Variants in SGCD observed in about 807,000 individuals in gnomAD.
SGCD encodes the protein delta-sarcoglycan.
In SGCD, 18 loss-of-function variants were observed where a neutral mutation model predicts 36.6. The ratio of observed to expected loss-of-function variants is 0.49; its 90% confidence interval spans 0.34 to 0.73. SGCD has a LOEUF of 0.73. Among genes scored for constraint, SGCD ranks in the 30% least tolerant of loss-of-function variants. The pLI, the probability that SGCD is intolerant of heterozygous loss-of-function variation, is 0.01. For missense variants in SGCD, 387 were observed against 346.7 expected, an observed-to-expected ratio of 1.12 and a Z score of -0.92; for synonymous variants, 133 against 130.6, an observed-to-expected ratio of 1.02 and a Z score of -0.12.
chr5:156,623,652 T>A (rs77300409), intron 6 of SGCD, among the ~76,000 whole-genome samples: 2,673 of 152,306 alleles, frequency 0.018, 32 homozygotes, highest in Non-Finnish European at 0.029. Flanking sequence ...TTAAAGTACT[T>A]GTATTATATC....
intron 1 of SGCD, among the ~76,000 whole-genome samples, chr5:155,925,106 C>T (rs979194903): frequency 2.7e-5 from 4 of 150,208 alleles, no homozygotes; most frequent in Non-Finnish European, 5.9e-5. Flanking sequence ...TATCATTTCC[C>T]TTATAAAATG....
chr5:155,844,421 TTGTGTGTGTG>T, the SGCD span, among the ~76,000 whole-genome samples: 13 of 144,574 alleles, frequency 9.0e-5, no homozygotes, highest in South Asian at 6.8e-4. Flanking sequence ...TGCTAAGGCT[TTGTGTGTGTG>T]TGTGTGTGTG....
intron 3 of SGCD, among the ~76,000 whole-genome samples, chr5:156,269,591 C>T (rs1766116194): frequency 6.7e-6 from 1 of 149,250 alleles, no homozygotes; most frequent in Admixed American, 6.7e-5. Context: ...CTACCTCCCA[C>T]TGGGTCCCTC....
chr5:155,781,962 A>G, the SGCD span, among the ~76,000 whole-genome samples: 7,654 of 151,698 alleles, frequency 0.05, 612 homozygotes, highest in African/African-American at 0.17. Context: ...GGCAGAGTGG[A>G]TGGAGTAACT....
At chr5:156,737,335 G>T (rs946019367) in intron 7 of SGCD, among the ~76,000 whole-genome samples, 2 of 152,132 alleles carry the variant, frequency 1.3e-5, no homozygotes, top group Non-Finnish European at 2.9e-5. Flanking sequence ...TGCTAGCTGA[G>T]TTACCTTAGG....
intron 3 of SGCD, among the ~76,000 whole-genome samples, chr5:156,508,329 T>C (rs1481407137): frequency 6.6e-6 from 1 of 152,122 alleles, no homozygotes. Context: ...CTAGCAAAAT[T>C]GCCCCCCACC....
chr5:156,738,774 C>T (rs757257474), intron 7 of SGCD: 25 of 152,168 alleles, frequency 1.6e-4, no homozygotes, highest in Admixed American at 3.3e-4. Flanking sequence ...ACTGCCATAT[C>T]GTAAGGCTTC....
chr5:156,215,829 A>G (rs190080832), intron 3 of SGCD, among the ~76,000 whole-genome samples: 1 of 152,304 alleles, frequency 6.6e-6, no homozygotes, highest in East Asian at 1.9e-4. Flanking sequence ...CAGTCACACT[A>G]GTTGATATAT....
the SGCD span, among the ~76,000 whole-genome samples, chr5:155,800,145 A>G: frequency 6.6e-6 from 1 of 152,078 alleles, no homozygotes; most frequent in Admixed American, 6.6e-5. Flanking sequence ...TTTCTGGGAT[A>G]GTTTAATAGC....
At chr5:155,837,730 A>G in the SGCD span, among the ~76,000 whole-genome samples, 1 of 152,232 alleles carries the variant, frequency 6.6e-6, no homozygotes, top group Non-Finnish European at 1.5e-5. Context: ...AAGCTGTAAC[A>G]TAATTCAGTC....
At chr5:155,822,770 G>A in the SGCD span, among the ~76,000 whole-genome samples, 1 of 152,306 alleles carries the variant, frequency 6.6e-6, no homozygotes, top group East Asian at 1.9e-4. Flanking sequence ...TATAGCAAAT[G>A]TTTACTAAAT....
chr5:156,033,849 C>T (rs941291018), intron 1 of SGCD, among the ~76,000 whole-genome samples: 1 of 152,164 alleles, frequency 6.6e-6, no homozygotes, highest in African/African-American at 2.4e-5. Flanking sequence ...GGGGGTTACT[C>T]TGAACCTCTT....
chr5:156,019,836 T>C (rs768376050), intron 1 of SGCD, among the ~76,000 whole-genome samples: 4 of 152,216 alleles, frequency 2.6e-5, no homozygotes, highest in Non-Finnish European at 5.9e-5. Context: ...TCGGCAACTT[T>C]TCAAGGCCTA....
At position 156,589,300 on chromosome 5, in the gene SGCD, C is replaced by T. The variant is rs1340493407; in HGVS notation, c.364C>T (p.Leu122=). 1 of 1,568,676 alleles carries T rather than the reference C, an allele frequency of 6.4e-7. No homozygotes were observed. Among genetic ancestry groups the T allele is most frequent in the African/African-American group, 1.3e-5 (1 of 74,286 alleles). Residue 122 remains leucine (L), a synonymous_variant, in exon 5 of 9, where the codon CTA becomes TTA. Transcript: ENST00000337851. Reference sequence around the variant, plus strand: ...CATTCTCAATGACCAGACTAAAGTGCTAACTCAGCTTATAACAGGTAAGAA... The same window carrying T: ...CATTCTCAATGACCAGACTAAAGTGTTAACTCAGCTTATAACAGGTAAGAA... ...VNILNDQTKV[L]TQLITGPKAV... is the part of the protein sequence containing the mutation.
rs114297476 is a variant in SGCD at position 156,372,732 on chromosome 5, T to C, written c.192+28055T>C. On this transcript the variant is annotated intron_variant, in intron 3 of 8. Transcript: ENST00000337851. ...GGACATAGCTTTGCCTCCTACAAATTAGACATTTTGAAGCTTTTAAAACTG... is the reference window on the plus strand; with the variant it reads ...GGACATAGCTTTGCCTCCTACAAATCAGACATTTTGAAGCTTTTAAAACTG... 2.8e-3 allele frequency among the ~76,000 whole-genome samples: 422 copies of C among 152,196 alleles called. 4 individuals carry two copies. Among genetic ancestry groups the C allele is most frequent in the African/African-American group, 9.7e-3 (402 of 41,562 alleles).
At chr5:156,556,692 G>T (rs1415630633) in intron 4 of SGCD, among the ~76,000 whole-genome samples, 1 of 152,164 alleles carries the variant, frequency 6.6e-6, no homozygotes, top group Non-Finnish European at 1.5e-5. Flanking sequence ...AAAGCAAGGA[G>T]CAATGTAGAG....
At chr5:155,837,939 T>C in the SGCD span, among the ~76,000 whole-genome samples, 1 of 152,146 alleles carries the variant, frequency 6.6e-6, no homozygotes, top group African/African-American at 2.4e-5. Context: ...ATCTGGATAC[T>C]TCTGTCTCTT....
chr5:156,697,264 G>A (rs571316083), intron 7 of SGCD, among the ~76,000 whole-genome samples: 89 of 152,220 alleles, frequency 5.8e-4, no homozygotes, highest in African/African-American at 2.1e-3. Context: ...TCTCAATATA[G>A]TTGCTTCAGA....
chr5:156,120,125 A>T lies in SGCD; in HGVS notation c.-208+2174A>T, dbSNP rs985770081. 3.3e-5 allele frequency among the ~76,000 whole-genome samples: 5 copies of T among 152,156 alleles called. 1 individual carries two copies. Among genetic ancestry groups the T allele is most frequent in the Non-Finnish European group, 7.3e-5 (5 of 68,036 alleles). Reference sequence around the variant, plus strand: ...AGGATTTCGAAAAAGCTAATTTCTGAAGCTGTGCCCTCTGGACCTAGTGTC... The same window carrying T: ...AGGATTTCGAAAAAGCTAATTTCTGTAGCTGTGCCCTCTGGACCTAGTGTC... On this transcript the variant is annotated intron_variant, in intron 2 of 9. Coordinates refer to the SGCD transcript ENST00000517913.
Sources: gnomAD v4.1 joint callset for allele counts (sites outside exome capture counted in the v4.1 genomes callset) on GRCh38, gnomAD v4.1.1 for gene constraint, MANE v1.5 for transcripts, NCBI Gene and HGNC (gene_info 2026-07-23, HGNC 2026-07-21) for gene names.